WDR49: variants seen among roughly 807,000 people sequenced by gnomAD.
WDR49 encodes the protein cilia- and flagella-associated protein 337.
WDR49 carries 107 observed loss-of-function variants against 119.5 expected under a neutral mutation model. That is an observed-to-expected ratio of 0.90 (90% confidence interval 0.77 to 1.05). The LOEUF (loss-of-function observed/expected upper bound fraction) is 1.05. Ranked by LOEUF, WDR49 falls within the 50% of genes least tolerant of loss-of-function variation. WDR49 has a pLI of 0.00. For synonymous variants in WDR49, 425 were observed against 418.8 expected, an observed-to-expected ratio of 1.01 and a Z score of -0.18; for missense variants, 1,240 against 1,220.5, an observed-to-expected ratio of 1.02 and a Z score of -0.24.
At chr3:167,645,158 T>G (rs923488118) in intron 2 of WDR49, among the ~76,000 whole-genome samples, 6 of 151,900 alleles carry the variant, frequency 3.9e-5, no homozygotes, top group Non-Finnish European at 7.4e-5. Flanking sequence ...TTAGCTTGGA[T>G]TTTTTACCAT....
chr3:167,510,673 T>C (rs142258694), intron 16 of WDR49, among the ~76,000 whole-genome samples: 2,496 of 152,298 alleles, frequency 0.016, 37 homozygotes, highest in Non-Finnish European at 0.028. Context: ...AAGCCAGGTA[T>C]GTTTGTATAA....
intron 7 of WDR49, among the ~76,000 whole-genome samples, chr3:167,594,176 A>G (rs933519636): frequency 1.3e-5 from 2 of 152,216 alleles, no homozygotes; most frequent in East Asian, 3.8e-4. Context: ...CAACATTGGA[A>G]CTGGGTAACG....
In WDR49 at chr3:167,531,248, C is replaced by A. The variant is rs760451996; in HGVS notation, c.2085G>T (p.Gly695=). ...DTKPQKLLSA[G]RSQPSHPMAD... is the part of the protein sequence containing the mutation. Reference sequence around the variant, plus strand: ...CCATGGGGTGGGAGGGTTGGCTTCTCCCAGCACTGAGAAGTTTTTGAGGTT... The same window carrying A: ...CCATGGGGTGGGAGGGTTGGCTTCTACCAGCACTGAGAAGTTTTTGAGGTT... Residue 695 remains glycine (G), a synonymous_variant, in exon 13 of 19, where the codon GGG becomes GGT. Coordinates refer to ENST00000682715, the MANE Select transcript of WDR49 (RefSeq NM_001366157.1). 8.1e-6 allele frequency: 13 copies of A among 1,611,166 alleles called. No individual in the cohort carries two copies. In the Admixed American group the frequency reaches 2.2e-4, roughly 27 times the overall value.
chr3:167,482,747 C>T lies in WDR49; in HGVS notation c.3032-3751G>A, dbSNP rs150165428. Among the ~76,000 whole-genome samples, 621 of 150,456 alleles carry T rather than the reference C, an allele frequency of 4.1e-3. 3 individuals carry two copies. Among genetic ancestry groups the T allele is most frequent in the African/African-American group, 0.014 (581 of 41,028 alleles). On this transcript the variant is annotated intron_variant, in intron 18 of 18. Transcript: ENST00000682715. Reference sequence around the variant, plus strand: ...TTGAAAAAAATAACTTGCTGGTGATCACTGAATGTATTTAAGTGCAGAAGT... The same window carrying T: ...TTGAAAAAAATAACTTGCTGGTGATTACTGAATGTATTTAAGTGCAGAAGT...
chr3:167,617,087 G>T (rs1273273816), intron 5 of WDR49, among the ~76,000 whole-genome samples: 1 of 152,096 alleles, frequency 6.6e-6, no homozygotes, highest in Non-Finnish European at 1.5e-5. Flanking sequence ...GAATCCAGGA[G>T]AAATGCCAAA....
rs926805989 is a variant in WDR49 at position 167,575,283 on chromosome 3, G to A, written c.1509+635C>T. The A allele has an allele frequency of 2.4e-5, 24 of 985,900 alleles. No individual in the cohort carries two copies. In the African/African-American group the frequency reaches 4.0e-4, roughly 16 times the overall value. The allele number at this position is 985,900 out of a possible 1,614,324, so 61.1% of individuals were successfully genotyped here. On this transcript the variant is annotated intron_variant, in intron 8 of 18. Transcript: ENST00000682715. ...CTGCCTGGGCCGCCCTGTCCTCCAA[G>A]AAGGGCTGTGGTCTGCGCAGTAACT...
intron 4 of WDR49, 78 bp downstream of exon 4, chr3:167,621,389 T>C: frequency 7.4e-7 from 1 of 1,350,972 alleles, no homozygotes; most frequent in Non-Finnish European, 9.7e-7. Flanking sequence ...GTCACACTCA[T>C]TGCATTTTAA....
At chr3:167,482,257 A>T (rs1750742896) in intron 18 of WDR49, among the ~76,000 whole-genome samples, 2 of 152,202 alleles carry the variant, frequency 1.3e-5, no homozygotes, top group South Asian at 4.1e-4. Context: ...AGAATATGTA[A>T]GCTAAGAATA....
At chr3:167,529,616 T>C (rs1377596682) in intron 13 of WDR49, among the ~76,000 whole-genome samples, 1 of 152,122 alleles carries the variant, frequency 6.6e-6, no homozygotes, top group African/African-American at 2.4e-5. Context: ...TCTTCCCTAA[T>C]AACCCACTGG....
intron 2 of WDR49, among the ~76,000 whole-genome samples, chr3:167,648,241 G>C (rs1418694144): frequency 6.6e-6 from 1 of 152,104 alleles, no homozygotes; most frequent in Non-Finnish European, 1.5e-5. Flanking sequence ...CAACATAAGT[G>C]CTTTATAAAA....
At chr3:167,505,219 C>T in intron 17 of WDR49, 88 bp downstream of exon 17, 1 of 1,272,840 alleles carries the variant, frequency 7.9e-7, no homozygotes, top group Non-Finnish European at 1.0e-6. Flanking sequence ...GGAATAGGAA[C>T]ATTCCTGACA....
intron 2 of WDR49, among the ~76,000 whole-genome samples, chr3:167,632,265 A>C (rs1717410554): frequency 6.6e-6 from 1 of 152,102 alleles, no homozygotes; most frequent in South Asian, 2.1e-4. Flanking sequence ...AAATATCAAA[A>C]CAACTTCTTT....
chr3:167,541,016 A>G (rs1711785427), intron 10 of WDR49, among the ~76,000 whole-genome samples: 1 of 151,990 alleles, frequency 6.6e-6, no homozygotes, highest in African/African-American at 2.4e-5. Flanking sequence ...ATAATTTCTA[A>G]AAAAAATGAA....
intron 10 of WDR49, among the ~76,000 whole-genome samples, chr3:167,538,275 C>T (rs1420623313): frequency 6.6e-6 from 1 of 152,076 alleles, no homozygotes; most frequent in Non-Finnish European, 1.5e-5. Flanking sequence ...TGTCAAAAAT[C>T]CAAATTTGAC....
intron 10 of WDR49, among the ~76,000 whole-genome samples, chr3:167,537,652 A>G (rs975845858): frequency 2.0e-5 from 3 of 152,154 alleles, no homozygotes; most frequent in Non-Finnish European, 4.4e-5. Flanking sequence ...ATTTGAGGAC[A>G]GGACAGGATG....
In WDR49 at chr3:167,536,988, CA is replaced by C; in HGVS notation, c.1835del (p.Val612GlyfsTer69). 2 of 1,585,648 alleles carry C rather than the reference CA, an allele frequency of 1.3e-6. No individual in the cohort carries two copies. The highest frequency in any genetic ancestry group is 1.7e-6 in the Non-Finnish European group (2 of 1,166,306). ...SWKTIGRAIT[V>X]FRPQNFNQFF... ...ATTGATTGAAGTTTTGGGGTCGAAA[CA>C]CAGTAATAGCCCTAGCAAAAAGGAT... On this transcript the variant is annotated frameshift_variant, in exon 11 of 19. Transcript: ENST00000682715. LOFTEE classifies it high-confidence loss of function.
chr3:167,639,511 T>G (rs1577295137), intron 2 of WDR49, among the ~76,000 whole-genome samples: 1 of 151,784 alleles, frequency 6.6e-6, no homozygotes, highest in Non-Finnish European at 1.5e-5. Context: ...TAGGATAACA[T>G]GGTCATCAAC....
At chr3:167,540,046 G>T (rs1156473089) in intron 10 of WDR49, among the ~76,000 whole-genome samples, 1 of 152,114 alleles carries the variant, frequency 6.6e-6, no homozygotes, top group Non-Finnish European at 1.5e-5. Context: ...AAAAACTGGT[G>T]CTTTCTCAAA....
At chr3:167,516,006 A>G (rs1159358518) in intron 16 of WDR49, among the ~76,000 whole-genome samples, 2 of 152,352 alleles carry the variant, frequency 1.3e-5, no homozygotes, top group African/African-American at 4.8e-5. Flanking sequence ...GTGGAAAAAC[A>G]TTTCATGATC....
Sources: gnomAD v4.1 joint callset for allele counts (sites outside exome capture counted in the v4.1 genomes callset) on GRCh38, gnomAD v4.1.1 for gene constraint, MANE v1.5 for transcripts, NCBI Gene and HGNC (gene_info 2026-07-23, HGNC 2026-07-21) for gene names.